PCBP3: variants seen among roughly 807,000 people sequenced by gnomAD.
PCBP3 encodes the protein poly(rC)-binding protein 3.
In PCBP3, 25 loss-of-function variants were observed where a neutral mutation model predicts 52.7. That is an observed-to-expected ratio of 0.47 (90% CI 0.35 to 0.66). PCBP3 has a LOEUF of 0.66. Ranked by LOEUF, PCBP3 falls within the 30% of genes least tolerant of loss-of-function variation. The pLI is 0.01. For missense variants in PCBP3, 391 were observed against 490.3 expected, an observed-to-expected ratio of 0.80 and a Z score of 1.91; for synonymous variants, 162 against 183.0, an observed-to-expected ratio of 0.89 and a Z score of 0.93.
chr21:45,891,413 G>C (rs2095660209), intron 5 of PCBP3, among the ~76,000 whole-genome samples: 1 of 152,226 alleles, frequency 6.6e-6, no homozygotes, highest in African/African-American at 2.4e-5. Context: ...ATTCTAAACA[G>C]AAAAGAACTG....
intron 2 of PCBP3, among the ~76,000 whole-genome samples, chr21:45,694,984 A>G (rs989520042): frequency 2.0e-5 from 3 of 152,224 alleles, no homozygotes; most frequent in African/African-American, 7.2e-5. Context: ...AAGATGTGCA[A>G]AAGACTTCGA....
At chr21:45,753,714 T>C (rs1181906141) in intron 3 of PCBP3, among the ~76,000 whole-genome samples, 2 of 152,194 alleles carry the variant, frequency 1.3e-5, no homozygotes, top group Non-Finnish European at 2.9e-5. Flanking sequence ...TATTTTTGTG[T>C]TTGTCTTATA....
chr21:45,748,370 T>A (rs1251952335), intron 3 of PCBP3, among the ~76,000 whole-genome samples: 1 of 152,124 alleles, frequency 6.6e-6, no homozygotes, highest in Non-Finnish European at 1.5e-5. Context: ...GTGTGAATGG[T>A]GTCACAGAGG....
At chr21:45,746,721 T>G (rs1454900034) in intron 3 of PCBP3, among the ~76,000 whole-genome samples, 1 of 44,154 alleles carries the variant, frequency 2.3e-5, no homozygotes, top group Non-Finnish European at 4.5e-5. Flanking sequence ...GCACACGGTG[T>G]TGTGTCAGCA....
intron 4 of PCBP3, among the ~76,000 whole-genome samples, chr21:45,783,013 A>G (rs1042940809): frequency 6.6e-6 from 1 of 152,240 alleles, no homozygotes; most frequent in Non-Finnish European, 1.5e-5. Flanking sequence ...CTGATCTCAT[A>G]TAATGACCAT....
chr21:45,909,474 G>A lies in PCBP3; in HGVS notation c.459G>A (p.Lys153=). The A allele has an allele frequency of 6.2e-7, 1 of 1,612,860 alleles. No homozygotes were observed. Among genetic ancestry groups the A allele is most frequent in the South Asian group, 1.1e-5 (1 of 91,062 alleles). Residue 153 remains lysine, a synonymous_variant, in exon 10 of 18, where the codon AAG becomes AAA. Coordinates refer to ENST00000681687, the MANE Select transcript of PCBP3 (RefSeq NM_001384156.1). ...TCGGCAAAGGAGGCTCCAAGATCAA[G>A]GAGATCAGGGAGGTAACAGGACCTT... ...SLIGKGGSKI[K]EIRESTGAQV...
intron 4 of PCBP3, among the ~76,000 whole-genome samples, chr21:45,799,828 C>T (rs536608152): frequency 4.6e-5 from 7 of 152,284 alleles, no homozygotes; most frequent in Admixed American, 1.3e-4. Context: ...AAATTAATGC[C>T]GCAGAATATG....
chr21:45,832,097 A>G (rs915534866), intron 4 of PCBP3, among the ~76,000 whole-genome samples: 1 of 152,172 alleles, frequency 6.6e-6, no homozygotes, highest in African/African-American at 2.4e-5. Context: ...GCCCATTTTT[A>G]TGGTTCTTGA....
intron 4 of PCBP3, among the ~76,000 whole-genome samples, chr21:45,784,917 C>T (rs959280242): frequency 2.9e-4 from 44 of 151,852 alleles, no homozygotes; most frequent in African/African-American, 9.2e-4. Flanking sequence ...TCTGCCTGGC[C>T]GCCCATCGTC....
At position 45,821,023 on chromosome 21, in the gene PCBP3, T is replaced by G. The variant is rs1468224675; in HGVS notation, c.-125-28938T>G. Among the ~76,000 whole-genome samples the G allele has an allele frequency of 6.6e-6, 1 of 152,168 alleles. No individual in the cohort carries two copies. Among genetic ancestry groups the G allele is most frequent in the Non-Finnish European group, 1.5e-5 (1 of 68,024 alleles). ...AGACCCGGCCCCTCGTCCTTGTCCA[T>G]CCATGTGGCTTCTGCAAAGCACCCT... On this transcript the variant is annotated intron_variant, in intron 4 of 17. Transcript: ENST00000681687. The surrounding 1 kb of genome is among the most constrained non-coding windows in gnomAD (Gnocchi z 4.4).
At chr21:45,941,431 G>A (rs1278244348) in intron 17 of PCBP3, among the ~76,000 whole-genome samples, 1 of 152,190 alleles carries the variant, frequency 6.6e-6, no homozygotes, top group Admixed American at 6.5e-5. Context: ...CATGGGGAAG[G>A]CCTCAAGCCC....
At position 45,679,782 on chromosome 21, in the gene PCBP3, G is replaced by A. The variant is rs528525610; in HGVS notation, c.-200+10830G>A. Among the ~76,000 whole-genome samples, 57 of 152,244 alleles carry A rather than the reference G, an allele frequency of 3.7e-4. 1 individual carries two copies. The highest frequency in any genetic ancestry group is 1.3e-3 in the African/African-American group (53 of 41,544). On this transcript the variant is annotated intron_variant, in intron 2 of 17. Transcript: ENST00000681687. The stretch of plus-strand genomic sequence containing the variant: ...ATCATGTTTGGTGTTAAGTTTAGCC[G>A]TAGATCACAAAGATTCCTTCTATTC...
chr21:45,817,803 T>C lies in PCBP3; in HGVS notation c.-125-32158T>C, dbSNP rs956490086. 3.9e-5 allele frequency among the ~76,000 whole-genome samples: 6 copies of C among 152,248 alleles called. No homozygotes were observed. Among genetic ancestry groups the C allele is most frequent in the African/African-American group, 1.4e-4 (6 of 41,470 alleles). ...TGGTTGGAATCAAAATCCAAAACCTTGTGGTTTCCATTTTCAGTTGATGAT... is the reference window on the plus strand; with the variant it reads ...TGGTTGGAATCAAAATCCAAAACCTCGTGGTTTCCATTTTCAGTTGATGAT... On this transcript the variant is annotated intron_variant, in intron 4 of 17. Transcript: ENST00000681687. The surrounding 1 kb of genome is among the most constrained non-coding windows in gnomAD (Gnocchi z 4.3).
intron 1 of PCBP3, among the ~76,000 whole-genome samples, chr21:45,663,346 G>A (rs546449601): frequency 1.9e-4 from 29 of 152,042 alleles, no homozygotes; most frequent in Non-Finnish European, 3.7e-4. Context: ...ACTGGTGTCC[G>A]CGTCTTGGTG....
At chr21:45,846,718 G>A (rs189181199) in intron 4 of PCBP3, among the ~76,000 whole-genome samples, 211 of 152,344 alleles carry the variant, frequency 1.4e-3, no homozygotes, top group Non-Finnish European at 2.5e-3. Context: ...GCTTCGCCGC[G>A]CACTGGGTCC....
chr21:45,858,678 C>T (rs1409624570), intron 5 of PCBP3: 1 of 152,250 alleles, frequency 6.6e-6, no homozygotes, highest in East Asian at 1.9e-4. Context: ...TTTCCTTCCA[C>T]AGTTCCCAGG....
chr21:45,926,205 A>C (rs2075382481), intron 13 of PCBP3, among the ~76,000 whole-genome samples: 1 of 152,148 alleles, frequency 6.6e-6, no homozygotes, highest in Non-Finnish European at 1.5e-5. Flanking sequence ...TTGCCTGGTG[A>C]CCTTGCAGCT....
chr21:45,811,557 C>T (rs2092688133), intron 4 of PCBP3, among the ~76,000 whole-genome samples: 1 of 152,266 alleles, frequency 6.6e-6, no homozygotes, highest in Admixed American at 6.5e-5. Flanking sequence ...AAACAGCAAA[C>T]ACATTTAGGA....
chr21:45,717,233 A>G (rs2084285483), intron 2 of PCBP3, among the ~76,000 whole-genome samples: 1 of 152,054 alleles, frequency 6.6e-6, no homozygotes, highest in African/African-American at 2.4e-5. Context: ...CTAGTTTTTT[A>G]GTGGATTTCT....
Sources: allele counts gnomAD v4.1 joint callset (sites outside exome capture counted in the v4.1 genomes callset), GRCh38; gene constraint gnomAD v4.1.1; non-coding constraint Gnocchi (gnomAD v3.1); transcripts MANE v1.5; gene names NCBI Gene and HGNC (gene_info 2026-07-23, HGNC 2026-07-21).